The following LRRTM4 variants were observed in gnomAD, a reference collection of about 807,000 sequenced individuals.
LRRTM4 encodes leucine rich repeat transmembrane neuronal 4, also known as leucine-rich repeat transmembrane neuronal protein 4.
A neutral mutation model predicts 47.6 loss-of-function variants in LRRTM4; 25 were observed. The observed-to-expected ratio is 0.53, with a 90% CI of 0.38 to 0.73. The LOEUF is 0.73. LRRTM4 is among the 30% of genes least tolerant of loss of function. LRRTM4 has a pLI of 0.00. For synonymous variants in LRRTM4, 311 were observed against 269.5 expected (o/e 1.15, Z -1.51); for missense variants, 638 against 713.4 (o/e 0.89, Z 1.20).
At chr2:76,797,246 A>G (rs1340488936) in intron 3 of LRRTM4, among the ~76,000 whole-genome samples, 4 of 152,142 alleles carry the variant, frequency 2.6e-5, no homozygotes, top group African/African-American at 9.7e-5. Flanking sequence ...AGGGAAGCCC[A>G]TCAGACAAAC....
chr2:77,233,707 C>A (rs1219953474), intron 3 of LRRTM4, among the ~76,000 whole-genome samples: 1 of 152,136 alleles, frequency 6.6e-6, no homozygotes, highest in Non-Finnish European at 1.5e-5. Flanking sequence ...TAAATCAGAA[C>A]CTCAGAGGAT....
At chr2:76,863,952 C>T (rs991965374) in intron 3 of LRRTM4, among the ~76,000 whole-genome samples, 4 of 152,112 alleles carry the variant, frequency 2.6e-5, no homozygotes, top group African/African-American at 9.7e-5. Context: ...TTAAAAAGAT[C>T]TATGGGACCT....
intron 3 of LRRTM4, among the ~76,000 whole-genome samples, chr2:77,076,408 A>G (rs550371530): frequency 1.5e-5 from 2 of 130,488 alleles, no homozygotes; most frequent in South Asian, 2.5e-4. Flanking sequence ...AAAAAATGGG[A>G]TAACAGTTTC....
chr2:77,155,129 A>G (rs1305408380), intron 3 of LRRTM4, among the ~76,000 whole-genome samples: 2 of 152,246 alleles, frequency 1.3e-5, no homozygotes, highest in South Asian at 2.1e-4. Context: ...GTTGCATGGC[A>G]GCAATGTAAT....
intron 3 of LRRTM4, among the ~76,000 whole-genome samples, chr2:77,167,881 C>G (rs1433845827): frequency 2.0e-5 from 3 of 152,074 alleles, no homozygotes; most frequent in Admixed American, 2.0e-4. Context: ...ACCAGACCAA[C>G]ATAGCACATG....
intron 3 of LRRTM4, among the ~76,000 whole-genome samples, chr2:76,919,795 T>G (rs971816439): frequency 6.6e-6 from 1 of 152,162 alleles, no homozygotes; most frequent in African/African-American, 2.4e-5. Context: ...CAAATAAATA[T>G]TGAAGGTTAA....
At chr2:77,068,951 C>A (rs1186921993) in intron 3 of LRRTM4, among the ~76,000 whole-genome samples, 4 of 152,178 alleles carry the variant, frequency 2.6e-5, no homozygotes, top group Non-Finnish European at 5.9e-5. Flanking sequence ...GCGATCTGTG[C>A]CTTAAGGGCA....
intron 3 of LRRTM4, among the ~76,000 whole-genome samples, chr2:77,165,440 G>C (rs562254109): frequency 6.6e-6 from 1 of 152,286 alleles, no homozygotes; most frequent in South Asian, 2.1e-4. Flanking sequence ...GAAAAAGAGG[G>C]AATCCTTCCT....
chr2:77,001,714 G>A (rs189291422), intron 3 of LRRTM4, among the ~76,000 whole-genome samples: 1 of 152,224 alleles, frequency 6.6e-6, no homozygotes, highest in East Asian at 1.9e-4. Flanking sequence ...AATTGCGAGA[G>A]ACACTGAAGG....
intron 3 of LRRTM4, among the ~76,000 whole-genome samples, chr2:76,875,590 A>G (rs1346738176): frequency 6.6e-6 from 1 of 152,146 alleles, no homozygotes; most frequent in Non-Finnish European, 1.5e-5. Flanking sequence ...ATATAAGGGA[A>G]TAGCAAGTTG....
intron 3 of LRRTM4, among the ~76,000 whole-genome samples, chr2:76,888,028 A>T (rs1218156621): frequency 6.7e-6 from 1 of 150,204 alleles, no homozygotes; most frequent in Non-Finnish European, 1.5e-5. Context: ...CTCTGCACAC[A>T]CTGTGTGTGT....
chr2:77,498,210 C>A (rs992336124), intron 3 of LRRTM4, among the ~76,000 whole-genome samples: 3 of 151,798 alleles, frequency 2.0e-5, no homozygotes, highest in Non-Finnish European at 4.4e-5. Context: ...TGGAAGAAAT[C>A]TTTCATCAAG....
chr2:77,444,220 G>C (rs1675957056), intron 3 of LRRTM4, among the ~76,000 whole-genome samples: 1 of 152,102 alleles, frequency 6.6e-6, no homozygotes, highest in African/African-American at 2.4e-5. Flanking sequence ...AGGTGGTCAT[G>C]GATAGATACC....
chr2:77,252,301 T>C (rs2104017066), intron 3 of LRRTM4, among the ~76,000 whole-genome samples: 1 of 152,258 alleles, frequency 6.6e-6, no homozygotes, highest in African/African-American at 2.4e-5. Context: ...GCATATATGG[T>C]ACCCTACATA....
chr2:77,395,014 C>T (rs571162665), intron 3 of LRRTM4, among the ~76,000 whole-genome samples: 1 of 152,058 alleles, frequency 6.6e-6, no homozygotes, highest in African/African-American at 2.4e-5. Flanking sequence ...ACAGAAAAAC[C>T]TTGTGGCAGT....
chr2:76,954,100 A>G (rs1219037705), intron 3 of LRRTM4, among the ~76,000 whole-genome samples: 1 of 151,892 alleles, frequency 6.6e-6, no homozygotes, highest in East Asian at 1.9e-4. Context: ...CTCTGAATGA[A>G]GCCAGTCCAT....
chr2:77,042,870 G>T (rs1418179897), intron 3 of LRRTM4, among the ~76,000 whole-genome samples: 2 of 151,638 alleles, frequency 1.3e-5, no homozygotes, highest in African/African-American at 4.8e-5. Flanking sequence ...AAAGTCTCTG[G>T]AATGGGCCAT....
Position 77,441,834 on chromosome 2 carries a change from C to T in LRRTM4, c.1551+76484G>A, listed in dbSNP as rs202146595. Reference sequence around the variant, plus strand: ...GGCTTAGCTTCACAATGTGACTTCACATTGTCTTAATCAATAAACTGTTTA... The same window carrying T: ...GGCTTAGCTTCACAATGTGACTTCATATTGTCTTAATCAATAAACTGTTTA... On this transcript the variant is annotated intron_variant, in intron 3 of 3. Coordinates refer to ENST00000409884, the MANE Select transcript of LRRTM4 (RefSeq NM_001134745.3). 5.9e-5 allele frequency among the ~76,000 whole-genome samples: 9 copies of T among 152,266 alleles called. No homozygotes were observed. The East Asian group carries it at 1.7e-3, about 29-fold the overall frequency.
intron 3 of LRRTM4, among the ~76,000 whole-genome samples, chr2:76,971,779 A>G (rs1676227811): frequency 6.6e-6 from 1 of 152,104 alleles, no homozygotes; most frequent in Admixed American, 6.6e-5. Flanking sequence ...CTGATGCATG[A>G]TATGAGAAAA....
Sources: gnomAD v4.1 joint callset for allele counts (sites outside exome capture counted in the v4.1 genomes callset) on GRCh38, gnomAD v4.1.1 for gene constraint, MANE v1.5 for transcripts, NCBI Gene and HGNC (gene_info 2026-07-23, HGNC 2026-07-21) for gene names.